DLGAP1: variants seen among roughly 807,000 people sequenced by gnomAD.
The protein encoded by DLGAP1 is DLG associated protein 1, also known as disks large-associated protein 1.
DLGAP1 carries 11 observed loss-of-function variants against 90.8 expected under a neutral mutation model. That is an observed-to-expected ratio of 0.12 (90% CI 0.08 to 0.20). The LOEUF is 0.20. Ranked by LOEUF, DLGAP1 falls within the 10% of genes least tolerant of loss-of-function variation. DLGAP1 has a pLI of 1.00. For synonymous variants in DLGAP1, 558 were observed against 540.7 expected (o/e 1.03, Z -0.44); for missense variants, 1,050 against 1,333.8 (o/e 0.79, Z 3.31).
chr18:4,243,502 A>G (rs145298809), intron 1 of DLGAP1, among the ~76,000 whole-genome samples: 2 of 152,332 alleles, frequency 1.3e-5, no homozygotes, highest in African/African-American at 4.8e-5. Context: ...AGTATTCTTC[A>G]TCAATGATCT....
In DLGAP1 at chr18:3,565,128, G is replaced by T. The variant is rs2054354224; in HGVS notation, c.2057+2362C>A. Among the ~76,000 whole-genome samples, 1 of 152,148 alleles carries T rather than the reference G, an allele frequency of 6.6e-6. No individual in the cohort carries two copies. Among genetic ancestry groups the T allele is most frequent in the Non-Finnish European group, 1.5e-5 (1 of 68,034 alleles). ...TCGTTGAGAAAAGGCACCAAGCTGG[G>T]CTGGTGGGAGATGGAGGAATATATT... On this transcript the variant is annotated intron_variant, in intron 9 of 12. Transcript: ENST00000315677. The surrounding 1 kb of genome is among the most constrained non-coding windows in gnomAD (Gnocchi z 4.0).
rs117767179 is a variant in DLGAP1 at position 4,401,427 on chromosome 18, C to G, written c.-267+53579G>C. Among the ~76,000 whole-genome samples the G allele has an allele frequency of 2.0e-3, 310 of 152,296 alleles. 1 individual carries two copies. The highest frequency in any genetic ancestry group is 3.3e-3 in the Admixed American group (50 of 15,290). ...ACAGATCCAGAACAAAAGTACCAGGCACTACACTAGGCATGAGAAAGTATT... is the reference window on the plus strand; with the variant it reads ...ACAGATCCAGAACAAAAGTACCAGGGACTACACTAGGCATGAGAAAGTATT... On this transcript the variant is annotated intron_variant, in intron 1 of 12. Transcript: ENST00000315677.
intron 7 of DLGAP1, among the ~76,000 whole-genome samples, chr18:3,640,352 A>G (rs2058893518): frequency 6.6e-6 from 1 of 152,198 alleles, no homozygotes; most frequent in Non-Finnish European, 1.5e-5. Flanking sequence ...GCAAAGCCAG[A>G]ATTGTTTCCA....
intron 1 of DLGAP1, among the ~76,000 whole-genome samples, chr18:4,208,340 T>C (rs2077764317): frequency 6.6e-6 from 1 of 152,212 alleles, no homozygotes; most frequent in South Asian, 2.1e-4. Context: ...CACAATATAC[T>C]TGAAATACCA....
At position 4,455,018 on chromosome 18, in the gene DLGAP1, C is replaced by T. The variant is rs1567938131; in HGVS notation, c.-279G>A. The T allele has an allele frequency of 6.6e-6, 1 of 151,498 alleles. No individual in the cohort carries two copies. The highest frequency in any genetic ancestry group is 2.4e-5 in the African/African-American group (1 of 41,312). 9.4% of individuals were successfully genotyped at this position (151,498 alleles called of 1,614,324 possible). A position where few individuals can be genotyped will look rare whatever the true frequency, so the allele number is the denominator to read the frequency against. On this transcript the variant is annotated 5_prime_UTR_variant, in exon 1 of 13. Transcript: ENST00000315677. ...AGCCCGGCGTTACCTGGCCGCGTCC[C>T]GCAGTCCGGCCCTCGCTGGCTGCGT...
In DLGAP1 at chr18:3,719,844, G is replaced by T. The variant is rs758599966; in HGVS notation, c.1591+9291C>A. Among the ~76,000 whole-genome samples the T allele has an allele frequency of 8.3e-4, 126 of 152,210 alleles. 1 individual carries two copies. The highest frequency in any genetic ancestry group is 2.6e-3 in the Admixed American group (40 of 15,268). ...TAATCAACATTTTAGAAAAGAGAAA[G>T]GTTTTCAAAAGCAACATAGTGGATG... On this transcript the variant is annotated intron_variant, in intron 7 of 12. Coordinates refer to ENST00000315677, the MANE Select transcript of DLGAP1 (RefSeq NM_004746.4).
At chr18:4,428,211 C>T (rs545578845) in intron 1 of DLGAP1, among the ~76,000 whole-genome samples, 20 of 152,218 alleles carry the variant, frequency 1.3e-4, no homozygotes, top group Non-Finnish European at 2.8e-4. Flanking sequence ...GGGGCAGTTT[C>T]TCCTGAATGG....
chr18:4,156,647 T>C (rs1051022580), intron 1 of DLGAP1, among the ~76,000 whole-genome samples: 2 of 152,156 alleles, frequency 1.3e-5, no homozygotes, highest in African/African-American at 4.8e-5. Context: ...GCAAGGTAAA[T>C]TTTTGTTTGG....
intron 1 of DLGAP1, among the ~76,000 whole-genome samples, chr18:4,401,246 A>G (rs1185443007): frequency 6.6e-6 from 1 of 152,168 alleles, no homozygotes; most frequent in Non-Finnish European, 1.5e-5. Context: ...GGGTTCTACA[A>G]TTTTTCAGTT....
intron 1 of DLGAP1, among the ~76,000 whole-genome samples, chr18:4,317,258 C>T (rs1415025094): frequency 6.6e-6 from 1 of 152,152 alleles, no homozygotes; most frequent in African/African-American, 2.4e-5. Flanking sequence ...CCGTCACATC[C>T]TTGTTACTGA....
intron 1 of DLGAP1, among the ~76,000 whole-genome samples, chr18:4,357,144 CTT>C (rs1341844725): frequency 1.0e-4 from 14 of 138,764 alleles, no homozygotes; most frequent in Non-Finnish European, 1.4e-4. Flanking sequence ...TGTTCTTTCT[CTT>C]TGTTTTTTTC....
At chr18:3,586,262 G>A (rs2055877637) in intron 7 of DLGAP1, among the ~76,000 whole-genome samples, 1 of 152,036 alleles carries the variant, frequency 6.6e-6, no homozygotes, top group Non-Finnish European at 1.5e-5. Flanking sequence ...CTCCCATGTT[G>A]TTATACGGAG....
intron 1 of DLGAP1, among the ~76,000 whole-genome samples, chr18:4,409,758 G>A (rs1805762598): frequency 6.6e-6 from 1 of 151,858 alleles, no homozygotes; most frequent in Non-Finnish European, 1.5e-5. Flanking sequence ...AGTTTTTGAT[G>A]GGATTGATTT....
At position 3,703,285 on chromosome 18, in the gene DLGAP1, T is replaced by G. The variant is rs189043243; in HGVS notation, c.1591+25850A>C. ...AACTTGCCAACTGAGAGCCTTTGAT[T>G]CACGTGCTCTGAATTTTATTGCATT... On this transcript the variant is annotated intron_variant, in intron 7 of 12. Coordinates refer to ENST00000315677, the MANE Select transcript of DLGAP1 (RefSeq NM_004746.4). 4.3e-3 allele frequency among the ~76,000 whole-genome samples: 658 copies of G among 152,356 alleles called. 15 individuals carry two copies. The highest frequency in any genetic ancestry group is 0.037 in the Admixed American group (567 of 15,300).
chr18:3,537,005 C>T (rs1398460374), intron 9 of DLGAP1, among the ~76,000 whole-genome samples: 2 of 151,892 alleles, frequency 1.3e-5, no homozygotes, highest in African/African-American at 4.8e-5. Flanking sequence ...AAGATAGCAC[C>T]ATGTGTCTGT....
At chr18:3,974,508 G>A (rs1041995672) in intron 3 of DLGAP1, among the ~76,000 whole-genome samples, 1 of 152,174 alleles carries the variant, frequency 6.6e-6, no homozygotes, top group Non-Finnish European at 1.5e-5. Context: ...CTCACTTTCT[G>A]AGGAGAGAAA....
At chr18:3,745,522 A>G (rs1409488947) in intron 5 of DLGAP1, among the ~76,000 whole-genome samples, 1 of 152,102 alleles carries the variant, frequency 6.6e-6, no homozygotes, top group East Asian at 1.9e-4. Context: ...TCAGTTAAGT[A>G]TTAGTGGTAG....
chr18:3,499,224 G>A lies in DLGAP1; in HGVS notation c.2895C>T (p.Ser965=), dbSNP rs1169215866. 4 of 1,599,000 alleles carry A rather than the reference G, an allele frequency of 2.5e-6. No homozygotes were observed. Among genetic ancestry groups the A allele is most frequent in the South Asian group, 1.1e-5 (1 of 89,846 alleles). The change falls in exon 13 of 13, where the codon AGC becomes AGT. Residue 965 remains serine (S), a synonymous_variant. Coordinates refer to ENST00000315677, the MANE Select transcript of DLGAP1 (RefSeq NM_004746.4). The surrounding 1 kb of genome is among the most constrained non-coding windows in gnomAD (Gnocchi z 6.4). The stretch of plus-strand genomic sequence containing the variant: ...GCGCCTCGGGGATGTAGATCTCGAT[G>A]CTCTCGGCGCTCTCGGTGGCCGAGT... ...RQNSATESAE[S]IEIYIPEAQT... is the part of the protein sequence containing the mutation.
At chr18:3,578,262 TGGAA>T (rs1167348328) in intron 8 of DLGAP1, among the ~76,000 whole-genome samples, 1 of 152,170 alleles carries the variant, frequency 6.6e-6, no homozygotes, top group Non-Finnish European at 1.5e-5. Context: ...AGAGAAAGCA[TGGAA>T]GGAAGTCTAA....
Sources: allele counts gnomAD v4.1 joint callset (sites outside exome capture counted in the v4.1 genomes callset), GRCh38; gene constraint gnomAD v4.1.1; non-coding constraint Gnocchi (gnomAD v3.1); transcripts MANE v1.5; gene names NCBI Gene and HGNC (gene_info 2026-07-23, HGNC 2026-07-21).